ZFP69: variants seen among roughly 807,000 people sequenced by gnomAD.
The protein encoded by ZFP69 is ZFP69 zinc finger protein.
ZFP69 carries 35 observed loss-of-function variants against 48.9 expected under a neutral mutation model. The ratio of observed to expected loss-of-function variants is 0.72; its 90% CI spans 0.55 to 0.95. The LOEUF (loss-of-function observed/expected upper bound fraction) is 0.95. Ranked by LOEUF, ZFP69 falls within the 40% of genes least tolerant of loss-of-function variation. The pLI is 0.00. For synonymous variants in ZFP69, 193 were observed against 216.8 expected (o/e 0.89, Z 0.96); for missense variants, 557 against 638.4 (o/e 0.87, Z 1.37).
Position 40,495,663 on chromosome 1 carries a change from T to C in ZFP69, c.1185T>C (p.Ile395=). 1.9e-6 allele frequency: 3 copies of C among 1,614,208 alleles called. No homozygotes were observed. The highest frequency in any genetic ancestry group is 2.5e-6 in the Non-Finnish European group (3 of 1,180,032). Residue 395 remains isoleucine (I), a synonymous_variant, in exon 6 of 6, where the codon ATT becomes ATC. Transcript: ENST00000372706. ...CNECGKTFRQ[I]RHLSEHIRIH... ...AATGTGGGAAAACCTTTAGACAGAT[T>C]AGACACCTTAGTGAACATATAAGAA...
Position 40,495,424 on chromosome 1 carries a change from A to G in ZFP69, c.946A>G (p.Thr316Ala). 1 of 1,614,146 alleles carries G rather than the reference A, an allele frequency of 6.2e-7. No homozygotes were observed. Among genetic ancestry groups the G allele is most frequent in the Non-Finnish European group, 8.5e-7 (1 of 1,179,992 alleles). ...RAFSQSASLS[T>A]HQRIHTGEKP... is the part of the protein sequence containing the mutation. ...CTTTAGTCAAAGTGCATCCCTCAGT[A>G]CACACCAGAGAATCCATACTGGTGA... The change falls in exon 6 of 6, where the codon ACA (threonine) becomes GCA (alanine). Residue 316 changes from threonine to alanine, a missense_variant. Transcript: ENST00000372706.
chr1:40,490,075 G>A (rs1557551660), intron 5 of ZFP69, among the ~76,000 whole-genome samples: 2 of 151,774 alleles, frequency 1.3e-5, no homozygotes, highest in Non-Finnish European at 1.5e-5. Flanking sequence ...TCACCATGTT[G>A]GCCAGGATGG....
Position 40,495,887 on chromosome 1 carries a change from AC to A in ZFP69, c.1411del (p.Arg471AlafsTer63). Reference protein sequence around the residue: ...VHTGVKAYECNRCGKAYRHDS... With the variant: ...VHTGVKAYECXRCGKAYRHDS... The stretch of plus-strand genomic sequence containing the variant: ...ACAGGAGTGAAAGCATATGAATGCA[AC>A]CGCTGTGGAAAAGCCTATAGGCATG... On this transcript the variant is annotated frameshift_variant, in exon 6 of 6. Coordinates refer to ENST00000372706, the MANE Select transcript of ZFP69 (RefSeq NM_001320179.2). LOFTEE classifies it high-confidence loss of function. 6.2e-7 allele frequency: 1 copy of A among 1,614,230 alleles called. No individual in the cohort carries two copies. The highest frequency in any genetic ancestry group is 8.5e-7 in the Non-Finnish European group (1 of 1,180,042).
At chr1:40,492,525 G>A (rs375427881) in intron 5 of ZFP69, among the ~76,000 whole-genome samples, 3 of 152,144 alleles carry the variant, frequency 2.0e-5, no homozygotes, top group African/African-American at 7.2e-5. Flanking sequence ...CTCATAATGA[G>A]ACTTAATATG....
At chr1:40,483,562 G>A (rs1223759395) in intron 3 of ZFP69, among the ~76,000 whole-genome samples, 1 of 152,044 alleles carries the variant, frequency 6.6e-6, no homozygotes, top group Non-Finnish European at 1.5e-5. Flanking sequence ...TTTCCTGTAT[G>A]TAAATTGTAC....
chr1:40,486,593 ATT>A (rs60459958), intron 3 of ZFP69, among the ~76,000 whole-genome samples: 1 of 147,652 alleles, frequency 6.8e-6, no homozygotes, highest in South Asian at 2.1e-4. Flanking sequence ...TAATTTTTGT[ATT>A]TTTTTTTGTA....
At position 40,494,256 on chromosome 1, in the gene ZFP69, A is replaced by ATTTTTTTT. The variant is rs11286167; in HGVS notation, c.443-642_443-635dup. Among the ~76,000 whole-genome samples, 38 of 52,084 alleles carry ATTTTTTTT rather than the reference A, an allele frequency of 7.3e-4. 1 individual carries two copies. Among genetic ancestry groups the ATTTTTTTT allele is most frequent in the South Asian group, 1.0e-3 (1 of 1,000 alleles). 34.2% of individuals were successfully genotyped at this position (52,084 alleles called of 152,430 possible). Reference sequence around the variant, plus strand: ...TTAGAGCAGGACTAAAAGATTCAAAATTTTTTTTTTTTTTTTTTTTTTTTT... The same window carrying ATTTTTTTT: ...TTAGAGCAGGACTAAAAGATTCAAAATTTTTTTTTTTTTTTTTTTTTTTTTTTTTTTTT... On this transcript the variant is annotated intron_variant, in intron 5 of 5. Coordinates refer to ENST00000372706, the MANE Select transcript of ZFP69 (RefSeq NM_001320179.2).
chr1:40,493,279 G>A (rs1645588031), intron 5 of ZFP69: 1 of 150,614 alleles, frequency 6.6e-6, no homozygotes, highest in African/African-American at 2.4e-5. Flanking sequence ...AATTGATTTT[G>A]AATATTGACC....
intron 3 of ZFP69, among the ~76,000 whole-genome samples, chr1:40,483,280 A>G (rs1209024253): frequency 1.5e-5 from 2 of 134,026 alleles, no homozygotes; most frequent in Non-Finnish European, 3.0e-5. Context: ...CTCAGGCTGC[A>G]GTGCAGTGGT....
intron 5 of ZFP69, among the ~76,000 whole-genome samples, chr1:40,492,870 G>A (rs1645582928): frequency 6.6e-6 from 1 of 152,024 alleles, no homozygotes; most frequent in Non-Finnish European, 1.5e-5. Context: ...ACTGTAGATG[G>A]TATTTTTTTT....
intron 3 of ZFP69, among the ~76,000 whole-genome samples, chr1:40,487,863 A>G (rs1169542925): frequency 6.6e-6 from 1 of 152,056 alleles, no homozygotes; most frequent in Non-Finnish European, 1.5e-5. Context: ...TCTGACCAAC[A>G]TGGTGAAACC....
rs1288810114 is a variant in ZFP69 at position 40,479,231 on chromosome 1, G to A, written c.-131G>A. On this transcript the variant is annotated 5_prime_UTR_variant, in exon 2 of 6. Transcript: ENST00000372706. ...CTAGGAACCCCCAGGTCCTGGTGCT[G>A]CAGGGACACACCAGAGTCCTGAGGG... The A allele has an allele frequency of 1.2e-5, 15 of 1,216,630 alleles. No individual in the cohort carries two copies. The highest frequency in any genetic ancestry group is 1.7e-5 in the Non-Finnish European group (14 of 843,380). The allele number at this position is 1,216,630 out of a possible 1,614,324, so 75.4% of individuals were successfully genotyped here.
chr1:40,478,687 T>C (rs1645413890), intron 1 of ZFP69, among the ~76,000 whole-genome samples: 1 of 152,194 alleles, frequency 6.6e-6, no homozygotes, highest in African/African-American at 2.4e-5. Context: ...TCAACCAACA[T>C]TACAACTCTA....
At chr1:40,483,668 T>C (rs1570020123) in intron 3 of ZFP69, among the ~76,000 whole-genome samples, 1 of 152,328 alleles carries the variant, frequency 6.6e-6, no homozygotes, top group South Asian at 2.1e-4. Context: ...CGATAACTCT[T>C]CAGACTATTA....
intron 1 of ZFP69, among the ~76,000 whole-genome samples, chr1:40,478,671 A>G (rs1024511092): frequency 6.6e-6 from 1 of 152,232 alleles, no homozygotes; most frequent in Non-Finnish European, 1.5e-5. Context: ...TATGCCTAGC[A>G]TTGTCTCAAC....
chr1:40,489,601 A>T lies in ZFP69; in HGVS notation c.419A>T (p.Glu140Val), dbSNP rs1376643286. The change falls in exon 5 of 6, where the codon GAA (glutamate) becomes GTA (valine). Residue 140 changes from glutamate to valine, a missense_variant. By Grantham distance (121) the Glu-to-Val change is moderately radical (BLOSUM62 -2). Coordinates refer to ENST00000372706, the MANE Select transcript of ZFP69 (RefSeq NM_001320179.2). ...KGEEPWMAEKEGPGDPSSDLK... is the reference protein window; with the variant it reads ...KGEEPWMAEKVGPGDPSSDLK... ...GAAGAGCCATGGATGGCAGAGAAAG[A>T]AGGCCCAGGAGATCCCAGTTCAGGT... is the stretch of plus-strand genomic sequence containing the variant. 1 of 1,613,732 alleles carries T rather than the reference A, an allele frequency of 6.2e-7. No individual in the cohort carries two copies.
chr1:40,489,270 T>G, intron 4 of ZFP69, 56 bp downstream of exon 4: 1 of 1,584,550 alleles, frequency 6.3e-7, no homozygotes, highest in Non-Finnish European at 8.6e-7. Context: ...AGAGTCATTA[T>G]TTTAAATTAT....
chr1:40,485,437 T>C (rs1424888869), intron 3 of ZFP69, among the ~76,000 whole-genome samples: 2 of 152,186 alleles, frequency 1.3e-5, no homozygotes, highest in Non-Finnish European at 2.9e-5. Flanking sequence ...TCAATATACA[T>C]TTTGTTTTAC....
chr1:40,488,947 C>A (rs2124453336), intron 3 of ZFP69, 141 bp from the exon 4 acceptor site: 2 of 945,394 alleles, frequency 2.1e-6, no homozygotes, highest in East Asian at 2.6e-5. Flanking sequence ...ATTTGGAGAT[C>A]AGAGGATCTC....
Sources: gnomAD v4.1 joint callset for allele counts (sites outside exome capture counted in the v4.1 genomes callset) on GRCh38, gnomAD v4.1.1 for gene constraint, MANE v1.5 for transcripts, NCBI Gene and HGNC (gene_info 2026-07-23, HGNC 2026-07-21) for gene names.